Variants in TAF15 observed in about 807,000 individuals in gnomAD.
The protein encoded by TAF15 is TATA-binding protein-associated factor 2N.
A neutral mutation model predicts 102.5 loss-of-function variants in TAF15; 37 were observed. The ratio of observed to expected loss-of-function variants is 0.36; its 90% CI spans 0.28 to 0.47. The LOEUF (loss-of-function observed/expected upper bound fraction) is 0.47, where lower values mean the gene tolerates loss of function less well. Among genes scored for constraint, TAF15 ranks in the 20% least tolerant of loss-of-function variants. The pLI is 0.99. For missense variants in TAF15, 652 were observed against 760.7 expected (o/e 0.86, Z 1.68); for synonymous variants, 273 against 259.2 (o/e 1.05, Z -0.51).
intron 10 of TAF15, among the ~76,000 whole-genome samples, chr17:35,837,968 G>A (rs1383976110): frequency 2.6e-5 from 4 of 151,286 alleles, no homozygotes; most frequent in African/African-American, 9.7e-5. Context: ...CAGGAGGATC[G>A]CTTGAGGCCA....
intron 12 of TAF15, among the ~76,000 whole-genome samples, chr17:35,843,792 A>C (rs1343124628): frequency 2.0e-5 from 3 of 152,224 alleles, no homozygotes; most frequent in African/African-American, 4.8e-5. Context: ...TTTGGTCCCA[A>C]GTATTTGGGG....
intron 7 of TAF15, among the ~76,000 whole-genome samples, chr17:35,826,285 T>G (rs888662422): frequency 6.6e-6 from 1 of 152,218 alleles, no homozygotes; most frequent in African/African-American, 2.4e-5. Flanking sequence ...ATCTGCAATC[T>G]TGCCTTATAC....
At chr17:35,830,562 G>A (rs1392498355) in intron 7 of TAF15, among the ~76,000 whole-genome samples, 1 of 152,132 alleles carries the variant, frequency 6.6e-6, no homozygotes, top group Non-Finnish European at 1.5e-5. Flanking sequence ...TTAACCTCAG[G>A]CACATCTTCT....
At chr17:35,840,268 T>A (rs1041089014) in intron 11 of TAF15, among the ~76,000 whole-genome samples, 17 of 148,236 alleles carry the variant, frequency 1.1e-4, no homozygotes, top group African/African-American at 4.0e-4. Context: ...TTTTTTTTTT[T>A]TGAGACTGAG....
intron 6 of TAF15, 133 bp from the exon 7 acceptor site, chr17:35,823,945 C>G: frequency 9.2e-7 from 1 of 1,086,468 alleles, no homozygotes; most frequent in Non-Finnish European, 1.4e-6. Context: ...TTTATGATGA[C>G]TTGCATTTGA....
At position 35,832,238 on chromosome 17, in the gene TAF15, C is replaced by G. The variant is rs140173661; in HGVS notation, c.606-1669C>G. On this transcript the variant is annotated intron_variant, in intron 7 of 15. Transcript: ENST00000605844. The stretch of plus-strand genomic sequence containing the variant: ...AGGGAGGGCTTTAGTACTGCCTGTT[C>G]TGAAGTAGGAGTCTTAGAAATTCAG... 3.6e-3 allele frequency among the ~76,000 whole-genome samples: 543 copies of G among 152,264 alleles called. 4 individuals are homozygous for G. The highest frequency in any genetic ancestry group is 0.012 in the African/African-American group (510 of 41,544).
chr17:35,822,034 T>C (rs1374085778), intron 5 of TAF15, among the ~76,000 whole-genome samples: 1 of 146,598 alleles, frequency 6.8e-6, no homozygotes, highest in Non-Finnish European at 1.5e-5. Flanking sequence ...CATCTTTTAC[T>C]TTTTTTTTTT....
chr17:35,834,930 G>A (rs557537090), intron 9 of TAF15, among the ~76,000 whole-genome samples: 9 of 151,934 alleles, frequency 5.9e-5, no homozygotes, highest in African/African-American at 1.9e-4. Context: ...ATTTTTAGTA[G>A]AGGCAGGGTT....
chr17:35,810,204 C>T (rs1275110082), intron 1 of TAF15: 1 of 137,642 alleles, frequency 7.3e-6, no homozygotes, highest in Admixed American at 6.4e-5. Flanking sequence ...TCTTCACCCT[C>T]CTGCCATTCG....
chr17:35,817,839 T>C, intron 2 of TAF15, 84 bp downstream of exon 2: 1 of 1,192,938 alleles, frequency 8.4e-7, no homozygotes, highest in Non-Finnish European at 1.3e-6. Flanking sequence ...GACTTGATGC[T>C]GGATGTCATA....
Position 35,847,202 on chromosome 17 carries a change from A to G in TAF15, c.*257A>G. ...ATTGCCAAAATGAAAAGTGTTTTGTAATACTGCAATAAAGGCTGCTTGTTT... is the reference window on the plus strand; with the variant it reads ...ATTGCCAAAATGAAAAGTGTTTTGTGATACTGCAATAAAGGCTGCTTGTTT... On this transcript the variant is annotated 3_prime_UTR_variant, in exon 16 of 16. Coordinates refer to ENST00000605844, the MANE Select transcript of TAF15 (RefSeq NM_139215.3). 1 of 605,002 alleles carries G rather than the reference A, an allele frequency of 1.7e-6. No homozygotes were observed. Among genetic ancestry groups the G allele is most frequent in the South Asian group, 2.0e-5 (1 of 49,476 alleles). 37.5% of individuals were successfully genotyped at this position (605,002 alleles called of 1,614,324 possible).
At chr17:35,823,577 C>A in intron 6 of TAF15, 1 of 167,054 alleles carries the variant, frequency 6.0e-6, no homozygotes, top group Non-Finnish European at 1.3e-5. Context: ...TGGTGGCGGG[C>A]ACCTGTAGTC....
chr17:35,816,535 A>G (rs932648094), intron 1 of TAF15, among the ~76,000 whole-genome samples: 28 of 152,208 alleles, frequency 1.8e-4, no homozygotes, highest in Admixed American at 1.8e-3. Flanking sequence ...TTTTAGAACT[A>G]TTTGACAACA....
intron 1 of TAF15, among the ~76,000 whole-genome samples, chr17:35,813,632 T>TCCC (rs56678256): frequency 1.8e-5 from 2 of 108,310 alleles, no homozygotes; most frequent in African/African-American, 3.4e-5. Context: ...CGAGACCCTG[T>TCCC]CCCCCCCCCC....
rs1568249935 is a variant in TAF15 at position 35,820,238 on chromosome 17, AAGTC to A, written c.181_184del (p.Ser61ValfsTer106). On this transcript the variant is annotated frameshift_variant, in exon 4 of 16. Transcript: ENST00000605844. LOFTEE classifies it high-confidence loss of function. ...ACAGCGGTTACTCCAGTTATGGACAAAGTCAGTCAGGTTGGACTAGTTTGTTAAA... is the reference window on the plus strand; with the variant it reads ...ACAGCGGTTACTCCAGTTATGGACAAAGTCAGGTTGGACTAGTTTGTTAAA... 3 of 1,613,996 alleles carry A rather than the reference AAGTC, an allele frequency of 1.9e-6. No individual in the cohort carries two copies. The highest frequency in any genetic ancestry group is 2.5e-6 in the Non-Finnish European group (3 of 1,179,972).
At chr17:35,836,269 T>A (rs2087473575) in intron 10 of TAF15, 28 bp downstream of exon 10, 1 of 1,428,530 alleles carries the variant, frequency 7.0e-7, no homozygotes. Context: ...ATGTTGAAAA[T>A]CTCATAATTA....
intron 1 of TAF15, chr17:35,816,933 C>T (rs1285977962): frequency 6.7e-6 from 1 of 150,358 alleles, no homozygotes; most frequent in African/African-American, 2.5e-5. Flanking sequence ...AGGTGATCCA[C>T]CTCAGCCTCT....
intron 5 of TAF15, among the ~76,000 whole-genome samples, chr17:35,822,038 T>C (rs1304218959): frequency 6.6e-6 from 1 of 152,038 alleles, no homozygotes; most frequent in Non-Finnish European, 1.5e-5. Context: ...TTTTACTTTT[T>C]TTTTTTTAAT....
intron 10 of TAF15, 48 bp downstream of exon 10, chr17:35,836,289 TTACAA>T: frequency 7.6e-7 from 1 of 1,308,114 alleles, no homozygotes; most frequent in Non-Finnish European, 1.1e-6. Flanking sequence ...AATGTTCTGA[TTACAA>T]TACATAGACT....
Sources: allele counts gnomAD v4.1 joint callset (sites outside exome capture counted in the v4.1 genomes callset), GRCh38; gene constraint gnomAD v4.1.1; transcripts MANE v1.5; gene names NCBI Gene and HGNC (gene_info 2026-07-23, HGNC 2026-07-21).